PIK3C2G: variants seen among roughly 807,000 people sequenced by gnomAD.
PIK3C2G encodes phosphatidylinositol-4-phosphate 3-kinase catalytic subunit type 2 gamma.
In PIK3C2G, 168 loss-of-function variants were observed where a neutral mutation model predicts 181.1. That is an observed-to-expected ratio of 0.93 (90% CI 0.82 to 1.05). PIK3C2G has a LOEUF of 1.05. Among genes scored for constraint, PIK3C2G ranks in the 50% least tolerant of loss-of-function variants. The pLI, the probability that PIK3C2G is intolerant of heterozygous loss-of-function variation, is 0.00. For missense variants in PIK3C2G, 1,869 were observed against 1,732.8 expected (o/e 1.08, Z -1.40); for synonymous variants, 573 against 592.2 (o/e 0.97, Z 0.47).
chr12:18,268,046 C>A (rs1948583281), intron 1 of PIK3C2G, among the ~76,000 whole-genome samples: 1 of 152,196 alleles, frequency 6.6e-6, no homozygotes, highest in African/African-American at 2.4e-5. Flanking sequence ...TGATCCGACC[C>A]TATATCTCCC....
At chr12:18,532,498 T>G (rs546854749) in intron 24 of PIK3C2G, among the ~76,000 whole-genome samples, 1 of 152,316 alleles carries the variant, frequency 6.6e-6, no homozygotes, top group African/African-American at 2.4e-5. Context: ...ATTTTTGTAT[T>G]AGGTATGAAG....
chr12:18,559,821 T>TATAGAGAGAGAG (rs1945244509), intron 26 of PIK3C2G, among the ~76,000 whole-genome samples: 1 of 18,370 alleles, frequency 5.4e-5, no homozygotes, highest in Non-Finnish European at 9.6e-5. Flanking sequence ...TATATATATA[T>TATAGAGAGAGAG]AGAGAGAGAG....
chr12:18,487,568 CTT>C (rs1295409819), intron 18 of PIK3C2G, among the ~76,000 whole-genome samples: 1 of 151,938 alleles, frequency 6.6e-6, no homozygotes, highest in Non-Finnish European at 1.5e-5. Context: ...ATAAATTAGT[CTT>C]TTTTAATTCC....
chr12:18,466,796 G>T (rs79496961), intron 18 of PIK3C2G, among the ~76,000 whole-genome samples: 1 of 151,894 alleles, frequency 6.6e-6, no homozygotes, highest in Non-Finnish European at 1.5e-5. Flanking sequence ...TGACTCTAAG[G>T]TCAGATAATC....
In PIK3C2G at chr12:18,566,968, C is replaced by T; in HGVS notation, c.3922C>T (p.Leu1308=). ...AAACAGGTTTCCTCATTGGTGGCAC[C>T]TACCTTTTACAAATTCAGATCACAG... The part of the protein sequence containing the change: ...TLPEFPHWWH[L]PFTNSDHRRF... The change falls in exon 29 of 33, where the codon CTA becomes TTA. Residue 1308 remains leucine (L), a synonymous_variant. Coordinates refer to ENST00000538779, the MANE Select transcript of PIK3C2G (RefSeq NM_001288772.2). 1 of 1,595,706 alleles carries T rather than the reference C, an allele frequency of 6.3e-7. No homozygotes were observed. Among genetic ancestry groups the T allele is most frequent in the Non-Finnish European group, 8.6e-7 (1 of 1,164,486 alleles).
chr12:18,418,993 T>A (rs544047879), intron 16 of PIK3C2G, among the ~76,000 whole-genome samples: 6 of 152,278 alleles, frequency 3.9e-5, no homozygotes, highest in African/African-American at 1.4e-4. Context: ...TAAGTCTATG[T>A]AATTGGAGAA....
At chr12:18,695,215 T>A in the PIK3C2G span, 4 of 881,040 alleles carry the variant, frequency 4.5e-6, no homozygotes, top group Non-Finnish European at 7.0e-6. Flanking sequence ...GCCTAATAAT[T>A]CATGATTTTT....
intron 30 of PIK3C2G, among the ~76,000 whole-genome samples, chr12:18,601,848 G>A (rs934935564): frequency 6.6e-6 from 1 of 152,124 alleles, no homozygotes; most frequent in Admixed American, 6.5e-5. Flanking sequence ...GCCGGGCTTA[G>A]GGAAATACAG....
chr12:18,323,101 G>T (rs1016496154), intron 7 of PIK3C2G, among the ~76,000 whole-genome samples: 8 of 152,320 alleles, frequency 5.3e-5, no homozygotes, highest in Non-Finnish European at 1.0e-4. Context: ...AGAAGAGAGT[G>T]AGAGAAGGAG....
intron 18 of PIK3C2G, among the ~76,000 whole-genome samples, chr12:18,432,966 G>C (rs896934230): frequency 1.3e-5 from 2 of 149,810 alleles, no homozygotes; most frequent in Non-Finnish European, 3.0e-5. Flanking sequence ...ACTCATTCAA[G>C]TACTGAAGAT....
At chr12:18,633,715 G>GT (rs1591721095) in intron 31 of PIK3C2G, among the ~76,000 whole-genome samples, 1 of 152,180 alleles carries the variant, frequency 6.6e-6, no homozygotes, top group East Asian at 1.9e-4. Flanking sequence ...AGCCAGAACT[G>GT]TAACTCCCTT....
intron 24 of PIK3C2G, among the ~76,000 whole-genome samples, chr12:18,534,340 A>G (rs1211726661): frequency 1.3e-5 from 2 of 152,048 alleles, no homozygotes; most frequent in African/African-American, 2.4e-5. Context: ...AAGTATATAT[A>G]CATTTTTAAA....
chr12:18,344,550 G>A lies in PIK3C2G; in HGVS notation c.1429+1190G>A, dbSNP rs535366828. Among the ~76,000 whole-genome samples the A allele has an allele frequency of 2.0e-5, 3 of 152,162 alleles. No homozygotes were observed. In the East Asian group the frequency reaches 5.8e-4, roughly 30 times the overall value. On this transcript the variant is annotated intron_variant, in intron 10 of 32. Transcript: ENST00000538779. Reference sequence around the variant, plus strand: ...TATGTGGAGTGAGCGAGCTGCAGGCGTGTCTGTATGAAACTGATTCTCCCT... The same window carrying A: ...TATGTGGAGTGAGCGAGCTGCAGGCATGTCTGTATGAAACTGATTCTCCCT...
At chr12:18,292,992 C>T (rs1949778531) in intron 4 of PIK3C2G, among the ~76,000 whole-genome samples, 1 of 152,060 alleles carries the variant, frequency 6.6e-6, no homozygotes, top group Admixed American at 6.6e-5. Flanking sequence ...GAAAATGAGT[C>T]CATTCATCTT....
Position 18,371,262 on chromosome 12 carries a change from A to G in PIK3C2G, c.1831A>G (p.Asn611Asp). 1.2e-6 allele frequency: 2 copies of G among 1,612,574 alleles called. No individual in the cohort carries two copies. The highest frequency in any genetic ancestry group is 1.7e-6 in the Non-Finnish European group (2 of 1,179,170). Reference sequence around the variant, plus strand: ...ACTGTTTGGGATTGCCTGTGCAACCAACAATGCAAATTTACTGGCGTGGAC... The same window carrying G: ...ACTGTTTGGGATTGCCTGTGCAACCGACAATGCAAATTTACTGGCGTGGAC... ...VKLFGIACAT[N>D]NANLLAWTCL... Residue 611 changes from asparagine (N) to aspartate (D), a missense_variant, in exon 13 of 33, where the codon AAC becomes GAC. By Grantham distance (23) the Asn-to-Asp change is conservative (BLOSUM62 1). Transcript: ENST00000538779.
At chr12:18,642,647 G>A (rs1244864498) in intron 32 of PIK3C2G, among the ~76,000 whole-genome samples, 1 of 152,092 alleles carries the variant, frequency 6.6e-6, no homozygotes, top group Non-Finnish European at 1.5e-5. Context: ...CCTTTCTTTA[G>A]TCCTACACGG....
At chr12:18,455,884 A>C (rs2135912235) in intron 18 of PIK3C2G, among the ~76,000 whole-genome samples, 1 of 152,142 alleles carries the variant, frequency 6.6e-6, no homozygotes, top group East Asian at 1.9e-4. Context: ...GATAGCATTC[A>C]CGCATTCATT....
intron 3 of PIK3C2G, among the ~76,000 whole-genome samples, chr12:18,289,047 T>A (rs1490396598): frequency 6.6e-6 from 1 of 152,220 alleles, no homozygotes; most frequent in Non-Finnish European, 1.5e-5. Flanking sequence ...TTTTCAATAA[T>A]TTGTTTGTTG....
chr12:18,488,552 T>C lies in PIK3C2G; in HGVS notation c.2608T>C (p.Ser870Pro). ...AGGTAAAGCCTTGAATGATGAGTTT[T>C]CCAAGGAGCAGAAACTTATCAAAAT... ...CAGKALNDEF[S>P]KEQKLIKILG... The change falls in exon 19 of 33, where the codon TCC becomes CCC. Residue 870 changes from serine to proline, a missense_variant. Physicochemically the swap from Ser to Pro is moderately conservative, Grantham distance 74. Coordinates refer to ENST00000538779, the MANE Select transcript of PIK3C2G (RefSeq NM_001288772.2). The C allele has an allele frequency of 1.3e-6, 2 of 1,591,706 alleles. No homozygotes were observed. The highest frequency in any genetic ancestry group is 1.7e-6 in the Non-Finnish European group (2 of 1,168,492).
Sources: allele counts gnomAD v4.1 joint callset (sites outside exome capture counted in the v4.1 genomes callset), GRCh38; gene constraint gnomAD v4.1.1; transcripts MANE v1.5; gene names NCBI Gene and HGNC (gene_info 2026-07-23, HGNC 2026-07-21).